The following IL1RAP variants were observed in gnomAD, a reference collection of about 807,000 sequenced individuals.
The protein encoded by IL1RAP is interleukin 1 receptor accessory protein.
In IL1RAP, 35 loss-of-function variants were observed where a neutral mutation model predicts 60.7. The observed-to-expected ratio is 0.58, with a 90% confidence interval of 0.44 to 0.76. IL1RAP has a LOEUF of 0.76. IL1RAP is among the 30% of genes least tolerant of loss of function. The probability of loss-of-function intolerance (pLI) is 0.00; values close to 1 mark genes in which losing one functional copy is unlikely to be tolerated. For missense variants in IL1RAP, 572 were observed against 693.9 expected, an observed-to-expected ratio of 0.82 and a Z score of 1.97; for synonymous variants, 268 against 250.9, an observed-to-expected ratio of 1.07 and a Z score of -0.64.
chr3:190,636,874 C>T (rs1430258240), intron 9 of IL1RAP, among the ~76,000 whole-genome samples: 1 of 151,996 alleles, frequency 6.6e-6, no homozygotes, highest in Admixed American at 6.5e-5. Flanking sequence ...TTTTTATCTC[C>T]TCTAGACTAA....
intron 1 of IL1RAP, among the ~76,000 whole-genome samples, chr3:190,535,274 T>A (rs1377216713): frequency 6.6e-6 from 1 of 152,162 alleles, no homozygotes; most frequent in East Asian, 1.9e-4. Context: ...ACACTGCCTA[T>A]TCAGTTTATT....
Position 190,604,183 on chromosome 3 carries a change from T to C in IL1RAP, c.120T>C (p.Asp40=), listed in dbSNP as rs1405649303. 1.2e-6 allele frequency: 2 copies of C among 1,613,954 alleles called. No individual in the cohort carries two copies. Among genetic ancestry groups the C allele is most frequent in the African/African-American group, 2.7e-5 (2 of 74,906 alleles). Residue 40 remains aspartate, a synonymous_variant, in exon 4 of 12, where the codon GAT becomes GAC. Transcript: ENST00000447382. ...DTMRQIQVFE[D]EPARIKCPLF... ...TGAGGCAAATCCAAGTGTTTGAAGATGAGCCAGCTCGCATCAAGTGCCCAC... is the reference window on the plus strand; with the variant it reads ...TGAGGCAAATCCAAGTGTTTGAAGACGAGCCAGCTCGCATCAAGTGCCCAC...
intron 1 of IL1RAP, among the ~76,000 whole-genome samples, chr3:190,550,736 T>C (rs916948535): frequency 2.0e-5 from 3 of 152,200 alleles, no homozygotes; most frequent in African/African-American, 7.2e-5. Flanking sequence ...TGCTGGTTGG[T>C]TCACAGGAAC....
chr3:190,658,613 GA>G (rs1415142848), exon 12 of IL1RAP: 1 of 152,192 alleles, frequency 6.6e-6, no homozygotes, highest in Non-Finnish European at 1.5e-5. Context: ...CCTTACATGA[GA>G]AGTCACCTTT....
At chr3:190,618,589 A>G (rs1731486742) in intron 5 of IL1RAP, among the ~76,000 whole-genome samples, 2 of 152,224 alleles carry the variant, frequency 1.3e-5, no homozygotes, top group South Asian at 4.1e-4. Context: ...TAAGCTAACA[A>G]ATGAGGGGGA....
intron 9 of IL1RAP, among the ~76,000 whole-genome samples, chr3:190,634,610 A>C (rs1733048204): frequency 6.6e-6 from 1 of 151,804 alleles, no homozygotes; most frequent in Non-Finnish European, 1.5e-5. Flanking sequence ...GAGCTGGGTA[A>C]TGTTCCCTCT....
At chr3:190,588,109 C>CT (rs1341771530) in intron 3 of IL1RAP, among the ~76,000 whole-genome samples, 2 of 152,038 alleles carry the variant, frequency 1.3e-5, no homozygotes, top group African/African-American at 4.8e-5. Context: ...TCTCTTACAT[C>CT]TTTTTTTCTT....
chr3:190,593,686 T>A (rs1330144041), intron 3 of IL1RAP, among the ~76,000 whole-genome samples: 2 of 152,074 alleles, frequency 1.3e-5, no homozygotes, highest in Non-Finnish European at 2.9e-5. Flanking sequence ...ATTCATATTA[T>A]GAGAACAGCA....
chr3:190,644,581 C>A (rs1733880553), intron 10 of IL1RAP, among the ~76,000 whole-genome samples, 184 bp downstream of exon 10: 1 of 152,104 alleles, frequency 6.6e-6, no homozygotes, highest in East Asian at 1.9e-4. Flanking sequence ...ATTCTATTTT[C>A]TTGGATTAAT....
chr3:190,599,489 C>CT (rs368207835), intron 3 of IL1RAP, among the ~76,000 whole-genome samples: 29,606 of 145,926 alleles, frequency 0.2, 2,942 homozygotes, highest in Admixed American at 0.25. Context: ...CGTAAAGTGA[C>CT]TTTTTTTTTT....
In IL1RAP at chr3:190,640,086, T is replaced by C. The variant is rs1733544694; in HGVS notation, c.1052-4162T>C. Among the ~76,000 whole-genome samples the C allele has an allele frequency of 4.6e-5, 7 of 152,344 alleles. No individual in the cohort carries two copies. The South Asian group carries it at 1.4e-3, about 32-fold the overall frequency. On this transcript the variant is annotated intron_variant, in intron 9 of 11. Coordinates refer to ENST00000447382, the MANE Select transcript of IL1RAP (RefSeq NM_002182.4). Reference sequence around the variant, plus strand: ...AGATTTCTAGAGTTCCATCTCTAAATAGTTCTCTTCTCTATAAATGCAATC... The same window carrying C: ...AGATTTCTAGAGTTCCATCTCTAAACAGTTCTCTTCTCTATAAATGCAATC...
At chr3:190,580,702 A>T (rs1727922201) in intron 3 of IL1RAP, among the ~76,000 whole-genome samples, 1 of 152,200 alleles carries the variant, frequency 6.6e-6, no homozygotes, top group Non-Finnish European at 1.5e-5. Context: ...ACGCAAGGTA[A>T]GTCCTAGAAA....
rs376100551 is a variant in IL1RAP at position 190,604,362 on chromosome 3, G to A, written c.299G>A (p.Trp100Ter). Residue 100 changes from tryptophan (W) to a stop codon, truncating the protein, a stop_gained, in exon 4 of 12, where the codon TGG becomes TAG. Transcript: ENST00000447382. LOFTEE classifies it high-confidence loss of function. ...ATTAGTAAGGAGAAAGATGTGCTGT[G>A]GTTCCGGCCCACTCTCCTCAATGAC... ...NRISKEKDVLWFRPTLLNDTG... is the reference protein window; with the variant it reads ...NRISKEKDVL The A allele has an allele frequency of 2.5e-6, 4 of 1,613,786 alleles. No individual in the cohort carries two copies. Among genetic ancestry groups the A allele is most frequent in the Non-Finnish European group, 3.4e-6 (4 of 1,179,970 alleles).
intron 1 of IL1RAP, among the ~76,000 whole-genome samples, chr3:190,537,972 T>C (rs894941803): frequency 1.1e-4 from 17 of 152,140 alleles, no homozygotes; most frequent in African/African-American, 4.1e-4. Context: ...CAGATTATTT[T>C]TGCTTTTTGG....
chr3:190,592,339 C>T (rs796818214), intron 3 of IL1RAP, among the ~76,000 whole-genome samples: 3 of 152,292 alleles, frequency 2.0e-5, no homozygotes, highest in African/African-American at 7.2e-5. Flanking sequence ...GAGCTTGTTA[C>T]AGGTGGCTAT....
chr3:190,632,893 T>G (rs1732905730), intron 9 of IL1RAP, among the ~76,000 whole-genome samples: 1 of 152,196 alleles, frequency 6.6e-6, no homozygotes, highest in African/African-American at 2.4e-5. Context: ...CCCAAAAAAT[T>G]AATTCTATGA....
chr3:190,649,206 A>G lies in IL1RAP; in HGVS notation c.*501A>G. On this transcript the variant is annotated 3_prime_UTR_variant, in exon 12 of 12. Coordinates refer to ENST00000447382, the MANE Select transcript of IL1RAP (RefSeq NM_002182.4). ...AACTTTTTTCCTCATTCGGCTGTAT[A>G]ATACATAACCACAGCAAGACTGACA... The G allele has an allele frequency of 1.0e-6, 1 of 986,722 alleles. No individual in the cohort carries two copies. The highest frequency in any genetic ancestry group is 1.2e-6 in the Non-Finnish European group (1 of 830,840). The allele number at this position is 986,722 out of a possible 1,614,324, so 61.1% of individuals were successfully genotyped here.
chr3:190,648,467 C>T lies in IL1RAP; in HGVS notation c.1475C>T (p.Ser492Phe), dbSNP rs747504991. The T allele has an allele frequency of 5.0e-6, 8 of 1,614,096 alleles. No individual in the cohort carries two copies. Among genetic ancestry groups the T allele is most frequent in the Non-Finnish European group, 6.8e-6 (8 of 1,180,014 alleles). Residue 492 changes from serine (S) to phenylalanine (F), a missense_variant, in exon 12 of 12, where the codon TCT becomes TTT. By Grantham distance (155) the Ser-to-Phe change is radical. Transcript: ENST00000447382. The stretch of plus-strand genomic sequence containing the variant: ...AAGGCTGGCCTAGAAAATATGGCCT[C>T]TCGGGGCAACATCAACGTCATTTTA... ...ELKAGLENMA[S>F]RGNINVILVQ...
intron 3 of IL1RAP, among the ~76,000 whole-genome samples, chr3:190,569,420 T>C (rs3773977): frequency 0.27 from 41,465 of 152,112 alleles, 6,125 homozygotes; most frequent in East Asian, 0.58. Flanking sequence ...TGCCCATGGC[T>C]GGTCATCCTG....
Sources: gnomAD v4.1 joint callset for allele counts (sites outside exome capture counted in the v4.1 genomes callset) on GRCh38, gnomAD v4.1.1 for gene constraint, MANE v1.5 for transcripts, NCBI Gene and HGNC (gene_info 2026-07-23, HGNC 2026-07-21) for gene names.